Variants in TRIM61 observed in about 807,000 individuals in gnomAD.
The protein encoded by TRIM61 is putative tripartite motif-containing protein 61.
A neutral mutation model predicts 14.2 loss-of-function variants in TRIM61; 1 was observed. The ratio of observed to expected loss-of-function variants is 0.07; its 90% CI spans 0.03 to 0.33. TRIM61 has a LOEUF of 0.33. TRIM61 is among the 10% of genes least tolerant of loss of function. The pLI, the probability that TRIM61 is intolerant of heterozygous loss-of-function variation, is 0.99. For missense variants in TRIM61, 19 were observed against 202.2 expected (o/e 0.09, Z 5.49); for synonymous variants, 8 against 71.6 (o/e 0.11, Z 4.49).
At chr4:164,968,781 G>C in intron 3 of TRIM61, 1 of 975,674 alleles carries the variant, frequency 1.0e-6, no homozygotes, top group East Asian at 1.1e-4. Context: ...ACTTGTGGCA[G>C]CAGAATAATT....
At chr4:164,966,950 A>T (rs1732256856) in intron 3 of TRIM61, among the ~76,000 whole-genome samples, 1 of 152,100 alleles carries the variant, frequency 6.6e-6, no homozygotes, top group Admixed American at 6.6e-5. Context: ...AAATAAAAAG[A>T]GAAAAATGAT....
At chr4:164,963,920 T>C (rs76860626) in intron 3 of TRIM61, among the ~76,000 whole-genome samples, 2,273 of 151,988 alleles carry the variant, frequency 0.015, 59 homozygotes, top group African/African-American at 0.052. Flanking sequence ...TTGAGCAAAA[T>C]AAAAATAAAA....
At chr4:164,975,313 G>A (rs1335465361) in intron 2 of TRIM61, among the ~76,000 whole-genome samples, 1 of 150,710 alleles carries the variant, frequency 6.6e-6, no homozygotes, top group African/African-American at 2.4e-5. Flanking sequence ...AAAATCAGAA[G>A]AAAAAATGTA....
chr4:164,968,961 C>T (rs1941706315), intron 3 of TRIM61: 1 of 1,005,026 alleles, frequency 9.9e-7, no homozygotes, highest in Admixed American at 5.3e-5. Context: ...TACTGCCTGC[C>T]ACAACTATAT....
Position 164,977,114 on chromosome 4 carries a change from G to A in TRIM61, c.-475-289C>T, listed in dbSNP as rs532899701. Among the ~76,000 whole-genome samples, 3 of 152,242 alleles carry A rather than the reference G, an allele frequency of 2.0e-5. No individual in the cohort carries two copies. The East Asian group carries it at 5.8e-4, about 29-fold the overall frequency. ...CCTAAAGCGCCTCATCTACAAAGTT[G>A]AAATGATAATTCGTACCTGTAAGAC... is the stretch of plus-strand genomic sequence containing the variant. On this transcript the variant is annotated intron_variant, in intron 1 of 4. Coordinates refer to ENST00000329314, the MANE Select transcript of TRIM61 (RefSeq NM_001012414.3).
chr4:164,973,794 A>C (rs1264839307), intron 2 of TRIM61, among the ~76,000 whole-genome samples: 1 of 152,248 alleles, frequency 6.6e-6, no homozygotes, highest in Non-Finnish European at 1.5e-5. Flanking sequence ...CTGAATCCAC[A>C]TACTTCTATT....
At chr4:164,967,353 A>C (rs1212043978) in intron 3 of TRIM61, among the ~76,000 whole-genome samples, 1 of 152,250 alleles carries the variant, frequency 6.6e-6, no homozygotes, top group Non-Finnish European at 1.5e-5. Flanking sequence ...TTTTGTTGAC[A>C]CAAGTTTTCC....
At chr4:164,967,202 G>A (rs1176700369) in intron 3 of TRIM61, among the ~76,000 whole-genome samples, 7 of 152,014 alleles carry the variant, frequency 4.6e-5, no homozygotes, top group African/African-American at 7.2e-5. Context: ...TAAATAACAC[G>A]TACACTAAAA....
chr4:164,974,387 C>T (rs1176977155), intron 2 of TRIM61, among the ~76,000 whole-genome samples: 1 of 152,156 alleles, frequency 6.6e-6, no homozygotes, highest in African/African-American at 2.4e-5. Flanking sequence ...GCAAGTTCAG[C>T]ATCCACTAAC....
rs1732043616 is a variant in TRIM61, at chr4:164,957,671, CTTTGT to C, written c.526-2580_526-2576del. On this transcript the variant is annotated intron_variant, in intron 3 of 4. Coordinates refer to ENST00000329314, the MANE Select transcript of TRIM61 (RefSeq NM_001012414.3). ...AGAGATTAAACTCTGATTTTGAGCA[CTTTGT>C]GCTTTATTCGGAAAATGAATAAGAT... The C allele has an allele frequency of 3.8e-6, 3 of 783,492 alleles. No individual in the cohort carries two copies. The Admixed American group carries it at 1.0e-4, about 27-fold the overall frequency. 48.5% of individuals were successfully genotyped at this position (783,492 alleles called of 1,614,324 possible).
intron 3 of TRIM61, among the ~76,000 whole-genome samples, chr4:164,960,974 A>G (rs767462890): frequency 2.0e-5 from 3 of 152,028 alleles, no homozygotes; most frequent in Admixed American, 1.3e-4. Context: ...ACATATATAC[A>G]TATATTTACC....
rs1216344718 is a variant in TRIM61 at position 164,972,232 on chromosome 4, ATG to A, written c.-337-1895_-337-1894del. Among the ~76,000 whole-genome samples, 4 of 152,172 alleles carry A rather than the reference ATG, an allele frequency of 2.6e-5. No homozygotes were observed. The South Asian group carries it at 8.3e-4, about 32-fold the overall frequency. ...TTGACTGTGTATCTTTAGAAAATCG[ATG>A]TGTCTTTTTTTGAATCGCATTTCTT... On this transcript the variant is annotated intron_variant, in intron 2 of 4. Coordinates refer to ENST00000329314, the MANE Select transcript of TRIM61 (RefSeq NM_001012414.3).
At chr4:164,957,035 G>T in intron 3 of TRIM61, 2 of 1,509,558 alleles carry the variant, frequency 1.3e-6, no homozygotes, top group Non-Finnish European at 1.8e-6. Context: ...GGAAGGATGC[G>T]CGGTGCGGCG....
At position 164,971,743 on chromosome 4, in the gene TRIM61, C is replaced by T. The variant is rs180805261; in HGVS notation, c.-337-1404G>A. 3.0e-3 allele frequency among the ~76,000 whole-genome samples: 455 copies of T among 152,280 alleles called. 2 individuals carry two copies. Among genetic ancestry groups the T allele is most frequent in the African/African-American group, 8.4e-3 (351 of 41,562 alleles). On this transcript the variant is annotated intron_variant, in intron 2 of 4. Transcript: ENST00000329314. ...AAACAAAAGTGAGGCAGAAAAACTT[C>T]CTGGCTTGCTTTCAAGACACCCACA...
chr4:164,976,430 C>T (rs1732485967), intron 2 of TRIM61, among the ~76,000 whole-genome samples: 1 of 152,152 alleles, frequency 6.6e-6, no homozygotes, highest in South Asian at 2.1e-4. Context: ...GCCCTCCTTT[C>T]CCCAAGCATA....
Position 164,970,197 on chromosome 4 carries a change from A to T in TRIM61, c.-195T>A, listed in dbSNP as rs200536726. 0.18 allele frequency: 103,788 copies of T among 562,916 alleles called. 1 individual carries two copies. The highest frequency in any genetic ancestry group is 0.23 in the Admixed American group (7,320 of 31,262). The allele number at this position is 562,916 out of a possible 1,614,324, so 34.9% of individuals were successfully genotyped here. A position where few individuals can be genotyped will look rare whatever the true frequency, so the allele number is the denominator to read the frequency against. On this transcript the variant is annotated 5_prime_UTR_variant, in exon 3 of 5. Coordinates refer to ENST00000329314, the MANE Select transcript of TRIM61 (RefSeq NM_001012414.3). ...TAAGCCCTCAGCTCCTTAGCTTCAG[A>T]GTCTACTGCCACGAACACTTCACAG... is the stretch of plus-strand genomic sequence containing the variant.
chr4:164,960,578 T>C (rs561834386), intron 3 of TRIM61, among the ~76,000 whole-genome samples: 6 of 149,206 alleles, frequency 4.0e-5, no homozygotes, highest in African/African-American at 1.5e-4. Flanking sequence ...GGAAAAAAAA[T>C]TTCCTGTTAT....
intron 3 of TRIM61, chr4:164,958,802 T>C (rs1237502033): frequency 6.0e-6 from 1 of 167,096 alleles, no homozygotes; most frequent in African/African-American, 2.4e-5. Context: ...TCCTGGGTCA[T>C]GCCATCCTAC....
At chr4:164,956,856 C>T (rs559850864) in intron 3 of TRIM61, 2 of 673,050 alleles carry the variant, frequency 3.0e-6, no homozygotes, top group Admixed American at 3.1e-5. Context: ...GCACCCCAAG[C>T]ACTGCAGCGT....
Sources: gnomAD v4.1 joint callset for allele counts (sites outside exome capture counted in the v4.1 genomes callset) on GRCh38, gnomAD v4.1.1 for gene constraint, MANE v1.5 for transcripts, NCBI Gene and HGNC (gene_info 2026-07-23, HGNC 2026-07-21) for gene names.